KHDRBS2: variants seen among roughly 807,000 people sequenced by gnomAD.
The protein encoded by KHDRBS2 is KH domain-containing, RNA-binding, signal transduction-associated protein 2.
In KHDRBS2, 26 loss-of-function variants were observed where a neutral mutation model predicts 44.3. The observed-to-expected ratio is 0.59, with a 90% CI of 0.43 to 0.81. KHDRBS2 has a LOEUF of 0.81. KHDRBS2 is among the 40% of genes least tolerant of loss of function. The probability of loss-of-function intolerance (pLI) is 0.00; values close to 1 mark genes in which losing one functional copy is unlikely to be tolerated. For synonymous variants in KHDRBS2, 194 were observed against 151.1 expected, an observed-to-expected ratio of 1.28 and a Z score of -2.08; for missense variants, 476 against 433.1, an observed-to-expected ratio of 1.10 and a Z score of -0.88.
chr6:61,605,016 G>A, the KHDRBS2 span, among the ~76,000 whole-genome samples: 1 of 152,090 alleles, frequency 6.6e-6, no homozygotes, highest in African/African-American at 2.4e-5. Flanking sequence ...CTTCAGAAAA[G>A]GTAGAATGGA....
At chr6:62,064,323 G>A (rs1792929937) in intron 2 of KHDRBS2, among the ~76,000 whole-genome samples, 1 of 149,354 alleles carries the variant, frequency 6.7e-6, no homozygotes, top group Non-Finnish European at 1.5e-5. Context: ...ACATCGCCAA[G>A]TCAATCCTAA....
chr6:61,744,691 CT>C (rs1776623466), intron 6 of KHDRBS2, among the ~76,000 whole-genome samples: 1 of 152,076 alleles, frequency 6.6e-6, no homozygotes, highest in Non-Finnish European at 1.5e-5. Context: ...TTACTTTTGT[CT>C]CTTCAGCTTT....
intron 1 of KHDRBS2, among the ~76,000 whole-genome samples, chr6:62,246,766 T>C (rs970316330): frequency 3.3e-5 from 5 of 152,010 alleles, no homozygotes; most frequent in African/African-American, 4.8e-5. Context: ...AGTCAAGATA[T>C]TACTCAGCTG....
intron 4 of KHDRBS2, among the ~76,000 whole-genome samples, chr6:61,959,745 T>C (rs1481029968): frequency 6.6e-6 from 1 of 152,132 alleles, no homozygotes; most frequent in Admixed American, 6.6e-5. Context: ...CGATATTAGA[T>C]TCACAACAAA....
At chr6:62,229,873 C>A (rs1832611399) in intron 1 of KHDRBS2, among the ~76,000 whole-genome samples, 3 of 152,196 alleles carry the variant, frequency 2.0e-5, no homozygotes, top group Admixed American at 2.0e-4. Flanking sequence ...GTTGCTGGTG[C>A]AGGATTTGCA....
At chr6:62,271,833 A>C (rs569127498) in intron 1 of KHDRBS2, among the ~76,000 whole-genome samples, 26 of 152,290 alleles carry the variant, frequency 1.7e-4, no homozygotes, top group African/African-American at 6.0e-4. Flanking sequence ...AAGCTTTTAA[A>C]AATTAAAAAG....
chr6:61,904,790 T>C (rs1288061362), intron 4 of KHDRBS2, among the ~76,000 whole-genome samples: 4 of 152,170 alleles, frequency 2.6e-5, no homozygotes, highest in African/African-American at 4.8e-5. Context: ...GTCTCCAGCC[T>C]TCCTTGGCTC....
chr6:61,611,803 G>C, the KHDRBS2 span, among the ~76,000 whole-genome samples: 1 of 152,118 alleles, frequency 6.6e-6, no homozygotes, highest in African/African-American at 2.4e-5. Flanking sequence ...GTACCCATTA[G>C]GTAGTTTTTC....
chr6:61,605,992 C>T, the KHDRBS2 span, among the ~76,000 whole-genome samples: 4 of 152,118 alleles, frequency 2.6e-5, no homozygotes, highest in East Asian at 7.7e-4. Context: ...CGGTCCCTGC[C>T]TTAAATGATG....
the KHDRBS2 span, among the ~76,000 whole-genome samples, chr6:61,566,457 T>C: frequency 6.6e-6 from 1 of 152,322 alleles, no homozygotes; most frequent in East Asian, 1.9e-4. Flanking sequence ...ATTACCCTGA[T>C]TTGATCATTA....
chr6:62,133,499 TCA>T (rs1810817366), intron 2 of KHDRBS2, among the ~76,000 whole-genome samples: 1 of 152,170 alleles, frequency 6.6e-6, no homozygotes, highest in Non-Finnish European at 1.5e-5. Context: ...TTGCCCAGTC[TCA>T]GGTATGTATT....
chr6:62,136,993 CTTTTTTTTTTTT>C (rs141092447), intron 2 of KHDRBS2, among the ~76,000 whole-genome samples: 2 of 78,320 alleles, frequency 2.6e-5, no homozygotes, highest in Admixed American at 2.0e-4. Context: ...TCTTTCTTTT[CTTTTTTTTTTTT>C]TTTTTTTTTT....
chr6:61,904,590 T>C (rs190894646), intron 4 of KHDRBS2, among the ~76,000 whole-genome samples: 38 of 152,286 alleles, frequency 2.5e-4, no homozygotes, highest in African/African-American at 9.1e-4. Flanking sequence ...CAAAAGCTTC[T>C]CCCAGCTGAT....
the KHDRBS2 span, among the ~76,000 whole-genome samples, chr6:61,558,747 T>A: frequency 6.6e-6 from 1 of 152,234 alleles, no homozygotes; most frequent in African/African-American, 2.4e-5. Context: ...TTATTGCTGA[T>A]TTCTCGTATT....
intron 2 of KHDRBS2, among the ~76,000 whole-genome samples, chr6:62,146,760 T>C (rs895232809): frequency 1.5e-5 from 2 of 130,366 alleles, no homozygotes; most frequent in African/African-American, 5.8e-5. Flanking sequence ...GATTTTTCTC[T>C]TCCTCTCCAA....
At chr6:61,577,144 T>TG in the KHDRBS2 span, among the ~76,000 whole-genome samples, 41 of 151,196 alleles carry the variant, frequency 2.7e-4, no homozygotes, top group African/African-American at 9.2e-4. Flanking sequence ...TTTTTTTTGT[T>TG]TTTTTTTTTT....
chr6:61,659,319 A>G, the KHDRBS2 span, among the ~76,000 whole-genome samples: 1 of 151,814 alleles, frequency 6.6e-6, no homozygotes, highest in Non-Finnish European at 1.5e-5. Flanking sequence ...TTATATCCTG[A>G]TAATCAAGTA....
At position 61,776,116 on chromosome 6, in the gene KHDRBS2, C is replaced by T. The variant is rs561940332; in HGVS notation, c.811-43352G>A. ...TAGAAAGCTGAAACTGGATCCCTTC[C>T]TTACACCTTATACAAAAATTAATTC... On this transcript the variant is annotated intron_variant, in intron 6 of 8. Transcript: ENST00000281156. Among the ~76,000 whole-genome samples, 6 of 152,250 alleles carry T rather than the reference C, an allele frequency of 3.9e-5. No homozygotes were observed. The South Asian group carries it at 1.2e-3, about 32-fold the overall frequency.
chr6:61,580,857 C>G, the KHDRBS2 span, among the ~76,000 whole-genome samples: 5 of 152,148 alleles, frequency 3.3e-5, no homozygotes, highest in African/African-American at 1.2e-4. Context: ...CCAAGAGGGT[C>G]CATGGCTTCC....
Sources: allele counts gnomAD v4.1 joint callset (sites outside exome capture counted in the v4.1 genomes callset), GRCh38; gene constraint gnomAD v4.1.1; transcripts MANE v1.5; gene names NCBI Gene and HGNC (gene_info 2026-07-23, HGNC 2026-07-21).